NCK1: variants seen among roughly 807,000 people sequenced by gnomAD.
The protein encoded by NCK1 is NCK adaptor protein 1, also known as SH2/SH3 adapter protein NCK1.
NCK1 carries 19 observed loss-of-function variants against 36.6 expected under a neutral mutation model. That is an observed-to-expected ratio of 0.52 (90% confidence interval 0.36 to 0.76). The LOEUF (loss-of-function observed/expected upper bound fraction) is 0.76, where lower values mean the gene tolerates loss of function less well. Among genes scored for constraint, NCK1 ranks in the 30% least tolerant of loss-of-function variants. The probability of loss-of-function intolerance (pLI) is 0.00; values close to 1 mark genes in which losing one functional copy is unlikely to be tolerated. For missense variants in NCK1, 358 were observed against 445.6 expected (o/e 0.80, Z 1.77); for synonymous variants, 165 against 156.0 (o/e 1.06, Z -0.43).
intron 2 of NCK1, chr3:136,930,495 G>C: frequency 7.4e-7 from 1 of 1,348,648 alleles, no homozygotes; most frequent in East Asian, 2.9e-5. Context: ...AACAGACGAG[G>C]AAGCTCACTG....
chr3:136,893,400 T>A (rs1482986102), intron 1 of NCK1, among the ~76,000 whole-genome samples: 1 of 151,814 alleles, frequency 6.6e-6, no homozygotes, highest in Non-Finnish European at 1.5e-5. Flanking sequence ...CCCTGGTAAT[T>A]AGTGATGTTG....
At chr3:136,916,747 C>G (rs9289523) in intron 1 of NCK1, among the ~76,000 whole-genome samples, 94,826 of 151,858 alleles carry the variant, frequency 0.62, 29,924 homozygotes, top group East Asian at 0.87. Context: ...GAAAATAAAA[C>G]AGTTTGTTTA....
intron 1 of NCK1, among the ~76,000 whole-genome samples, chr3:136,883,467 T>C (rs1938998466): frequency 6.6e-6 from 1 of 152,208 alleles, no homozygotes. Context: ...TTTTTTTCTC[T>C]AACTAAAAGC....
chr3:136,912,067 C>T (rs964335160), intron 1 of NCK1, among the ~76,000 whole-genome samples: 2 of 151,866 alleles, frequency 1.3e-5, no homozygotes, highest in Admixed American at 6.6e-5. Flanking sequence ...CTGTGCATCT[C>T]CTTGTGTTCA....
chr3:136,866,626 T>A (rs1442866086), intron 1 of NCK1, among the ~76,000 whole-genome samples: 12 of 149,342 alleles, frequency 8.0e-5, no homozygotes, highest in Admixed American at 2.0e-4. Flanking sequence ...CTTCTTTTTT[T>A]TTTTCTTTGA....
intron 1 of NCK1, among the ~76,000 whole-genome samples, chr3:136,862,740 G>A (rs1020809788): frequency 1.3e-5 from 2 of 152,222 alleles, no homozygotes; most frequent in Non-Finnish European, 2.9e-5. Context: ...GGCGTAATCC[G>A]AGGCCGGGAA....
intron 1 of NCK1, among the ~76,000 whole-genome samples, chr3:136,892,440 CAA>C (rs1939271544): frequency 6.6e-6 from 1 of 152,142 alleles, no homozygotes; most frequent in Non-Finnish European, 1.5e-5. Context: ...CTGGTAATCA[CAA>C]GAGTCCTTAT....
intron 1 of NCK1, among the ~76,000 whole-genome samples, chr3:136,896,645 C>G (rs1441650939): frequency 6.6e-6 from 1 of 152,098 alleles, no homozygotes; most frequent in African/African-American, 2.4e-5. Flanking sequence ...CAAGCATACC[C>G]CACCACACCT....
Position 136,872,145 on chromosome 3 carries a change from A to G in NCK1, c.-19+9792A>G, listed in dbSNP as rs962620362. Among the ~76,000 whole-genome samples the G allele has an allele frequency of 7.9e-5, 12 of 152,360 alleles. No individual in the cohort carries two copies. In the East Asian group the frequency reaches 2.3e-3, roughly 29 times the overall value. ...CAGTTTGAAGGGATCAGAAGAGGAC[A>G]GGAAAATGTGGGAAAGTTTGGAACT... is the stretch of plus-strand genomic sequence containing the variant. On this transcript the variant is annotated intron_variant, in intron 1 of 3. Transcript: ENST00000481752.
intron 2 of NCK1, among the ~76,000 whole-genome samples, chr3:136,935,463 T>C (rs1940506829): frequency 6.6e-6 from 1 of 152,170 alleles, no homozygotes; most frequent in Non-Finnish European, 1.5e-5. Context: ...AAACAGCCAC[T>C]GTTGGCTTTT....
chr3:136,882,547 CTGTGTGTGTG>C (rs35463509), intron 1 of NCK1, among the ~76,000 whole-genome samples: 34 of 143,490 alleles, frequency 2.4e-4, no homozygotes, highest in African/African-American at 6.0e-4. Flanking sequence ...TCCCACATCA[CTGTGTGTGTG>C]TGTGTGTGTG....
At chr3:136,867,234 T>C (rs1938475437) in intron 1 of NCK1, among the ~76,000 whole-genome samples, 1 of 118,988 alleles carries the variant, frequency 8.4e-6, no homozygotes, top group Admixed American at 9.9e-5. Context: ...CGTCCATCCA[T>C]CCGTCTGTCC....
Position 136,908,836 on chromosome 3 carries a change from G to GAT in NCK1, c.-18-19142_-18-19141dup, listed in dbSNP as rs760404440. On this transcript the variant is annotated intron_variant, in intron 1 of 3. Coordinates refer to ENST00000481752, the MANE Select transcript of NCK1 (RefSeq NM_001291999.2). ...TACAAGAGAATTTCAGATTCAGTGG[G>GAT]ATATATACAGTATAGTGCTGTGGTT... Among the ~76,000 whole-genome samples the GAT allele has an allele frequency of 1.4e-3, 215 of 152,304 alleles. 1 individual carries two copies. The highest frequency in any genetic ancestry group is 1.3e-3 in the Non-Finnish European group (87 of 68,022).
intron 1 of NCK1, among the ~76,000 whole-genome samples, chr3:136,921,388 G>C (rs904397819): frequency 1.3e-5 from 2 of 152,134 alleles, no homozygotes; most frequent in African/African-American, 4.8e-5. Context: ...TCTAGGAAGC[G>C]GAGGAACTGT....
chr3:136,880,418 A>C (rs967070623), intron 1 of NCK1, among the ~76,000 whole-genome samples: 3 of 152,144 alleles, frequency 2.0e-5, no homozygotes, highest in African/African-American at 4.8e-5. Context: ...AGATTTTGAC[A>C]CAGAGACAGA....
intron 1 of NCK1, chr3:136,867,483 C>T (rs563602961): frequency 1.2e-4 from 15 of 130,156 alleles, no homozygotes; most frequent in Admixed American, 3.0e-4. Flanking sequence ...TGGCCTCAAA[C>T]GATCCTCCCA....
At chr3:136,913,806 C>G (rs1939890823) in intron 1 of NCK1, among the ~76,000 whole-genome samples, 1 of 152,170 alleles carries the variant, frequency 6.6e-6, no homozygotes, top group African/African-American at 2.4e-5. Flanking sequence ...GTAGCTGGGA[C>G]TACAGGCGCC....
intron 2 of NCK1, among the ~76,000 whole-genome samples, chr3:136,929,563 A>G (rs747373158): frequency 3.3e-5 from 5 of 152,222 alleles, no homozygotes; most frequent in Non-Finnish European, 7.3e-5. Flanking sequence ...AGAAGAGACC[A>G]GGGTTAGAAT....
chr3:136,943,525 G>C (rs879747741), intron 2 of NCK1, among the ~76,000 whole-genome samples: 2 of 152,164 alleles, frequency 1.3e-5, no homozygotes, highest in African/African-American at 2.4e-5. Flanking sequence ...GAAAATGAAA[G>C]TGTATGATTT....
Sources: allele counts gnomAD v4.1 joint callset (sites outside exome capture counted in the v4.1 genomes callset), GRCh38; gene constraint gnomAD v4.1.1; transcripts MANE v1.5; gene names NCBI Gene and HGNC (gene_info 2026-07-23, HGNC 2026-07-21).